The following NEBL variants were observed in gnomAD, a reference collection of about 807,000 sequenced individuals.
NEBL encodes the protein LIM and SH3 protein 2.
NEBL carries 122 observed loss-of-function variants against 140.2 expected under a neutral mutation model. That is an observed-to-expected ratio of 0.87 (90% CI 0.75 to 1.01). The LOEUF (loss-of-function observed/expected upper bound fraction) is 1.01, where lower values mean the gene tolerates loss of function less well. NEBL is among the 50% of genes least tolerant of loss of function. The probability of loss-of-function intolerance (pLI) is 0.00; values close to 1 mark genes in which losing one functional copy is unlikely to be tolerated. For missense variants in NEBL, 1,365 were observed against 1,231.3 expected, an observed-to-expected ratio of 1.11 and a Z score of -1.62; for synonymous variants, 436 against 398.9, an observed-to-expected ratio of 1.09 and a Z score of -1.11.
intron 5 of NEBL, among the ~76,000 whole-genome samples, chr10:20,871,118 C>CT (rs1414686074): frequency 1.3e-5 from 2 of 152,152 alleles, no homozygotes; most frequent in African/African-American, 2.4e-5. Context: ...ACCCATCTTC[C>CT]TTTTTTCAGA....
At chr10:20,851,448 C>T (rs558510245) in intron 10 of NEBL, among the ~76,000 whole-genome samples, 3 of 151,766 alleles carry the variant, frequency 2.0e-5, no homozygotes, top group East Asian at 1.9e-4. Context: ...AATAAAGTAT[C>T]GGGAAGTATA....
intron 5 of NEBL, among the ~76,000 whole-genome samples, chr10:20,876,001 T>A (rs1845462817): frequency 6.6e-6 from 1 of 152,220 alleles, no homozygotes. Flanking sequence ...CCTCCAGGTA[T>A]CATCAAATAG....
chr10:20,808,349 T>TA lies in NEBL; in HGVS notation c.2761+160dup, dbSNP rs1187450894. Among the ~76,000 whole-genome samples, 1,860 of 143,254 alleles carry TA rather than the reference T, an allele frequency of 0.013. 30 individuals are homozygous for TA. Among genetic ancestry groups the TA allele is most frequent in the African/African-American group, 0.039 (1,523 of 39,360 alleles). The allele number at this position is 143,254 out of a possible 152,430, so 94.0% of individuals were successfully genotyped here. ...ATGCAAATTAGTAGGGTTTTTTCTTTAAAAAAAAAAAAAGACTATTAACTT... is the reference window on the plus strand; with the variant it reads ...ATGCAAATTAGTAGGGTTTTTTCTTTAAAAAAAAAAAAAAGACTATTAACTT... On this transcript the variant is annotated intron_variant, in intron 26 of 27. Coordinates refer to ENST00000377122, the MANE Select transcript of NEBL (RefSeq NM_006393.3).
At chr10:20,829,643 G>A (rs1376206281) in intron 16 of NEBL, among the ~76,000 whole-genome samples, 3 of 151,684 alleles carry the variant, frequency 2.0e-5, no homozygotes, top group African/African-American at 7.3e-5. Context: ...AATGCACCAG[G>A]CTTCATTACA....
chr10:21,021,757 C>T (rs1372666267), intron 2 of NEBL, among the ~76,000 whole-genome samples: 3 of 152,196 alleles, frequency 2.0e-5, no homozygotes, highest in African/African-American at 7.2e-5. Context: ...CCTCACAGTA[C>T]AACGAAAGTT....
At chr10:20,809,144 G>C (rs987805272) in intron 25 of NEBL, among the ~76,000 whole-genome samples, 2 of 152,126 alleles carry the variant, frequency 1.3e-5, no homozygotes, top group African/African-American at 2.4e-5. Flanking sequence ...TAAATATAGA[G>C]TAGAAATCAG....
intron 8 of NEBL, 67 bp from the exon 9 acceptor site, chr10:20,858,411 A>G: frequency 1.6e-6 from 2 of 1,288,364 alleles, no homozygotes; most frequent in Non-Finnish European, 2.2e-6. Flanking sequence ...GCATTATTGC[A>G]TTTTTCATAC....
At chr10:20,995,207 C>T (rs958085650) in intron 3 of NEBL, among the ~76,000 whole-genome samples, 4 of 152,096 alleles carry the variant, frequency 2.6e-5, no homozygotes, top group African/African-American at 2.4e-5. Context: ...ATGTACAGCA[C>T]CCCCCAGTCT....
chr10:20,864,096 C>T (rs1173950299), intron 7 of NEBL, among the ~76,000 whole-genome samples: 1 of 152,260 alleles, frequency 6.6e-6, no homozygotes, highest in African/African-American at 2.4e-5. Context: ...TAAAACAATG[C>T]TAATTATTAT....
chr10:21,268,483 T>C (rs1194340466), intron 1 of NEBL, among the ~76,000 whole-genome samples: 1 of 151,614 alleles, frequency 6.6e-6, no homozygotes, highest in Non-Finnish European at 1.5e-5. Flanking sequence ...GCTCTATCTC[T>C]AAAGAGTAAA....
At chr10:20,859,862 A>T (rs1206162843) in intron 7 of NEBL, 36 bp from the exon 8 acceptor site, 1 of 988,704 alleles carries the variant, frequency 1.0e-6, no homozygotes, top group Non-Finnish European at 1.6e-6. Context: ...GTAACTTTAC[A>T]TTTAAAAGTA....
chr10:20,956,410 G>A (rs1018786820), intron 4 of NEBL, among the ~76,000 whole-genome samples: 7 of 151,878 alleles, frequency 4.6e-5, no homozygotes, highest in Non-Finnish European at 8.8e-5. Context: ...TAATGCTACT[G>A]ACCCCACTAT....
At chr10:20,819,757 C>G (rs1053076175) in intron 19 of NEBL, among the ~76,000 whole-genome samples, 1 of 152,022 alleles carries the variant, frequency 6.6e-6, no homozygotes, top group East Asian at 1.9e-4. Flanking sequence ...CAAGGTCTTG[C>G]TCCGTTGTCC....
chr10:20,819,220 C>T, intron 20 of NEBL: 1 of 949,490 alleles, frequency 1.1e-6, no homozygotes, highest in South Asian at 1.7e-5. Flanking sequence ...CTCCTCCCAT[C>T]CTCTCCCGTC....
intron 3 of NEBL, among the ~76,000 whole-genome samples, chr10:21,241,845 C>T (rs1287841915): frequency 6.6e-6 from 1 of 152,164 alleles, no homozygotes; most frequent in African/African-American, 2.4e-5. Context: ...TCTTTATAGA[C>T]CTGGGATTCC....
chr10:20,809,951 A>G (rs1837972953), intron 24 of NEBL, 53 bp from the exon 25 acceptor site: 1 of 380,972 alleles, frequency 2.6e-6, no homozygotes, highest in Non-Finnish European at 3.7e-6. Context: ...TTAAAAAAGG[A>G]AAAAAAAAAA....
chr10:20,958,564 A>C (rs149643565), intron 4 of NEBL, among the ~76,000 whole-genome samples: 1 of 152,280 alleles, frequency 6.6e-6, no homozygotes, highest in African/African-American at 2.4e-5. Flanking sequence ...TTCATAAGCA[A>C]CCAAACCCCA....
At chr10:21,151,343 A>G (rs983972767) in intron 2 of NEBL, among the ~76,000 whole-genome samples, 1 of 152,182 alleles carries the variant, frequency 6.6e-6, no homozygotes, top group Non-Finnish European at 1.5e-5. Flanking sequence ...CTCAAGGACC[A>G]TGGCTTCATG....
chr10:21,112,412 A>T lies in NEBL; in HGVS notation c.164+59971T>A, dbSNP rs1317799929. On this transcript the variant is annotated intron_variant, in intron 2 of 6. Coordinates refer to the NEBL transcript ENST00000417816. ...GCACCATGGAATACTATACAACCAT[A>T]AAAAAGTTGAGTTCATGTCCTTTGC... Among the ~76,000 whole-genome samples, 5 of 152,228 alleles carry T rather than the reference A, an allele frequency of 3.3e-5. No homozygotes were observed. In the South Asian group the frequency reaches 1.0e-3, roughly 32 times the overall value.
Sources: allele counts gnomAD v4.1 joint callset (sites outside exome capture counted in the v4.1 genomes callset), GRCh38; gene constraint gnomAD v4.1.1; transcripts MANE v1.5; gene names NCBI Gene and HGNC (gene_info 2026-07-23, HGNC 2026-07-21).